IQCM: variants seen among roughly 807,000 people sequenced by gnomAD.
IQCM encodes the protein IQ motif containing M.
A neutral mutation model predicts 57.6 loss-of-function variants in IQCM; 45 were observed. The ratio of observed to expected loss-of-function variants is 0.78; its 90% CI spans 0.62 to 1.00. The LOEUF is 1.00. IQCM is among the 50% of genes least tolerant of loss of function. The probability of loss-of-function intolerance (pLI) is 0.00; values close to 1 mark genes in which losing one functional copy is unlikely to be tolerated. For missense variants in IQCM, 468 were observed against 511.6 expected, an observed-to-expected ratio of 0.91 and a Z score of 0.82; for synonymous variants, 148 against 158.9, an observed-to-expected ratio of 0.93 and a Z score of 0.51.
intron 13 of IQCM, among the ~76,000 whole-genome samples, chr4:149,402,348 A>G (rs1297507100): frequency 6.7e-6 from 1 of 149,916 alleles, no homozygotes. Flanking sequence ...CACAAAATAT[A>G]TAAGGGAGTT....
Position 149,669,105 on chromosome 4 carries a change from G to C in IQCM, c.565+13013C>G, listed in dbSNP as rs575166967. 2.0e-5 allele frequency among the ~76,000 whole-genome samples: 3 copies of C among 152,306 alleles called. No individual in the cohort carries two copies. In the East Asian group the frequency reaches 5.8e-4, roughly 29 times the overall value. ...TTACAGTCCCACCAACAGTGTAAAAGTGTTCCTATTTCTCCACATCCTCTC... is the reference window on the plus strand; with the variant it reads ...TTACAGTCCCACCAACAGTGTAAAACTGTTCCTATTTCTCCACATCCTCTC... On this transcript the variant is annotated intron_variant, in intron 7 of 13. Coordinates refer to ENST00000636793, the MANE Select transcript of IQCM (RefSeq NM_001363507.2).
intron 12 of IQCM, among the ~76,000 whole-genome samples, chr4:149,480,117 G>A (rs1001178210): frequency 6.6e-6 from 1 of 151,758 alleles, no homozygotes; most frequent in Non-Finnish European, 1.5e-5. Flanking sequence ...ATATGCCATG[G>A]GTAGATCCAC....
chr4:149,632,437 G>A (rs1028136969), intron 7 of IQCM, among the ~76,000 whole-genome samples: 2 of 152,046 alleles, frequency 1.3e-5, no homozygotes, highest in Non-Finnish European at 2.9e-5. Flanking sequence ...GCCTTTTTAG[G>A]AAACAAAAAT....
chr4:149,596,478 C>A (rs1453064546), intron 8 of IQCM, among the ~76,000 whole-genome samples: 1 of 151,948 alleles, frequency 6.6e-6, no homozygotes, highest in East Asian at 1.9e-4. Flanking sequence ...GCATGCCCTG[C>A]AGTTGAGAGG....
At chr4:149,438,825 A>G (rs906595654) in intron 12 of IQCM, among the ~76,000 whole-genome samples, 14 of 152,070 alleles carry the variant, frequency 9.2e-5, no homozygotes, top group Non-Finnish European at 1.9e-4. Flanking sequence ...AATGGTTAAG[A>G]AGACAGTTAA....
intron 7 of IQCM, among the ~76,000 whole-genome samples, chr4:149,672,133 A>G (rs1221830067): frequency 1.3e-5 from 2 of 152,154 alleles, no homozygotes; most frequent in African/African-American, 4.8e-5. Flanking sequence ...ACCATCATCA[A>G]AGACGAAAGG....
chr4:149,684,105 G>A (rs1762385808), intron 6 of IQCM, among the ~76,000 whole-genome samples: 1 of 151,288 alleles, frequency 6.6e-6, no homozygotes, highest in African/African-American at 2.4e-5. Context: ...AATGCATTTT[G>A]TTGATGGGAA....
Position 149,650,628 on chromosome 4 carries a change from G to A in IQCM, c.566-29384C>T, listed in dbSNP as rs544309243. Among the ~76,000 whole-genome samples, 123 of 152,132 alleles carry A rather than the reference G, an allele frequency of 8.1e-4. 1 individual carries two copies. Among genetic ancestry groups the A allele is most frequent in the Admixed American group, 5.9e-4 (9 of 15,276 alleles). On this transcript the variant is annotated intron_variant, in intron 7 of 13. Coordinates refer to ENST00000636793, the MANE Select transcript of IQCM (RefSeq NM_001363507.2). ...TGGTCTCGAACTCCTGACCTCGGAT[G>A]ATACACCCACCTCGACCTCCCAAAG...
At chr4:149,666,342 C>G (rs1202525954) in intron 7 of IQCM, 3 of 152,424 alleles carry the variant, frequency 2.0e-5, no homozygotes, top group African/African-American at 7.2e-5. Flanking sequence ...ACTCCCTTCC[C>G]TAGCAAAGGG....
At chr4:149,529,856 T>C (rs987515634) in intron 12 of IQCM, among the ~76,000 whole-genome samples, 2 of 152,216 alleles carry the variant, frequency 1.3e-5, no homozygotes, top group African/African-American at 4.8e-5. Context: ...ATAAGTCATA[T>C]GAAGTCTCCA....
chr4:149,522,811 A>G (rs1381305657), intron 12 of IQCM, among the ~76,000 whole-genome samples: 2 of 152,196 alleles, frequency 1.3e-5, no homozygotes, highest in Admixed American at 1.3e-4. Flanking sequence ...AGTTGAAAGA[A>G]TTTATAAAGC....
intron 9 of IQCM, among the ~76,000 whole-genome samples, chr4:149,571,315 A>T (rs968400896): frequency 6.6e-6 from 1 of 152,140 alleles, no homozygotes; most frequent in African/African-American, 2.4e-5. Context: ...TCAGCCATAA[A>T]AGGAAGGAAA....
intron 12 of IQCM, among the ~76,000 whole-genome samples, chr4:149,545,823 T>A (rs928984217): frequency 3.3e-5 from 5 of 152,142 alleles, no homozygotes; most frequent in Non-Finnish European, 7.4e-5. Flanking sequence ...GTGGTATTTT[T>A]TTTTTATTAT....
At chr4:149,796,773 G>T (rs537916207) in intron 2 of IQCM, among the ~76,000 whole-genome samples, 2 of 152,068 alleles carry the variant, frequency 1.3e-5, no homozygotes, top group Non-Finnish European at 2.9e-5. Context: ...ATGTCTACCT[G>T]GTAATGCAAA....
At chr4:149,570,480 G>A (rs74848896) in intron 9 of IQCM, among the ~76,000 whole-genome samples, 201 of 152,026 alleles carry the variant, frequency 1.3e-3, no homozygotes, top group African/African-American at 4.5e-3. Context: ...GAAATTTGAG[G>A]ATATTAAAAA....
chr4:149,383,901 C>T (rs1731241478), intron 13 of IQCM, among the ~76,000 whole-genome samples: 1 of 151,972 alleles, frequency 6.6e-6, no homozygotes, highest in African/African-American at 2.4e-5. Context: ...TGCAGTGAGC[C>T]AAGATCATGC....
chr4:149,446,697 T>C (rs1046808253), intron 12 of IQCM, among the ~76,000 whole-genome samples: 1 of 151,604 alleles, frequency 6.6e-6, no homozygotes, highest in Non-Finnish European at 1.5e-5. Flanking sequence ...TTTACATTCT[T>C]ATAAATTATA....
intron 5 of IQCM, among the ~76,000 whole-genome samples, chr4:149,724,636 A>C (rs1192543585): frequency 1.3e-5 from 2 of 152,014 alleles, no homozygotes; most frequent in Non-Finnish European, 2.9e-5. Context: ...AGACTGGGTA[A>C]GGAACAACTC....
chr4:149,810,104 G>C (rs1774423353), intron 2 of IQCM, among the ~76,000 whole-genome samples: 1 of 152,034 alleles, frequency 6.6e-6, no homozygotes, highest in Non-Finnish European at 1.5e-5. Context: ...TAGAGTACGG[G>C]CTGGACATGG....
Sources: gnomAD v4.1 joint callset for allele counts (sites outside exome capture counted in the v4.1 genomes callset) on GRCh38, gnomAD v4.1.1 for gene constraint, MANE v1.5 for transcripts, NCBI Gene and HGNC (gene_info 2026-07-23, HGNC 2026-07-21) for gene names.